VRK3: variants seen among roughly 807,000 people sequenced by gnomAD.
VRK3 encodes VRK serine/threonine kinase 3.
In VRK3, 50 loss-of-function variants were observed where a neutral mutation model predicts 60.4. The observed-to-expected ratio is 0.83, with a 90% CI of 0.66 to 1.05. VRK3 has a LOEUF of 1.05. VRK3 is among the 50% of genes least tolerant of loss of function. The pLI, the probability that VRK3 is intolerant of heterozygous loss-of-function variation, is 0.00. For missense variants in VRK3, 549 were observed against 585.3 expected (o/e 0.94, Z 0.64); for synonymous variants, 246 against 227.8 (o/e 1.08, Z -0.72).
intron 5 of VRK3, among the ~76,000 whole-genome samples, chr19:50,006,428 T>C (rs1381238091): frequency 1.3e-5 from 2 of 151,304 alleles, no homozygotes; most frequent in Non-Finnish European, 2.9e-5. Flanking sequence ...CAGGATGGAG[T>C]GCAGTGGTGC....
intron 12 of VRK3, among the ~76,000 whole-genome samples, chr19:49,984,458 A>C (rs951245444): frequency 5.3e-5 from 8 of 151,914 alleles, no homozygotes; most frequent in Non-Finnish European, 1.0e-4. Flanking sequence ...CTCTGCTCCC[A>C]CAGTGCCGGG....
intron 2 of VRK3, among the ~76,000 whole-genome samples, chr19:50,016,454 C>G (rs573485863): frequency 1.3e-5 from 2 of 152,186 alleles, no homozygotes; most frequent in Non-Finnish European, 2.9e-5. Flanking sequence ...ATGGCCGAGG[C>G]AGTTAGGAGT....
At chr19:50,024,660 T>C (rs1257147142) in intron 1 of VRK3, among the ~76,000 whole-genome samples, 3 of 152,174 alleles carry the variant, frequency 2.0e-5, no homozygotes, top group African/African-American at 4.8e-5. Flanking sequence ...GTTATAGTAG[T>C]GTAATATCGG....
chr19:50,015,397 C>A (rs2077059093), intron 3 of VRK3, among the ~76,000 whole-genome samples: 1 of 152,124 alleles, frequency 6.6e-6, no homozygotes. Flanking sequence ...CGACCTCCGC[C>A]TCCTGGGTTC....
chr19:49,979,059 T>C (rs1012562417), intron 14 of VRK3, 24 bp downstream of exon 14: 10 of 1,575,522 alleles, frequency 6.3e-6, no homozygotes, highest in Non-Finnish European at 8.6e-6. Context: ...GGTGAGAGGC[T>C]TAAGCCTCAC....
At chr19:50,016,953 GC>G (rs1211707998) in intron 2 of VRK3, among the ~76,000 whole-genome samples, 1 of 138,388 alleles carries the variant, frequency 7.2e-6, no homozygotes, top group Non-Finnish European at 1.5e-5. Flanking sequence ...GCTTTGGGAG[GC>G]CATCACAGGC....
chr19:50,006,715 A>G (rs911027458), intron 5 of VRK3, among the ~76,000 whole-genome samples: 1 of 152,258 alleles, frequency 6.6e-6, no homozygotes, highest in Non-Finnish European at 1.5e-5. Context: ...TCTCAATTAA[A>G]AAGTTCCAAA....
chr19:49,988,213 T>G, intron 12 of VRK3, 159 bp downstream of exon 12: 1 of 1,156,222 alleles, frequency 8.6e-7, no homozygotes, highest in Non-Finnish European at 1.2e-6. Flanking sequence ...TCGCCTGCTG[T>G]GTGGACACTG....
At chr19:49,991,098 G>C (rs532817607) in intron 10 of VRK3, among the ~76,000 whole-genome samples, 2 of 152,250 alleles carry the variant, frequency 1.3e-5, no homozygotes, top group Admixed American at 1.3e-4. Context: ...TGGCCATGAT[G>C]GTCATTTTTA....
intron 11 of VRK3, among the ~76,000 whole-genome samples, chr19:49,989,427 C>T (rs1201263519): frequency 6.6e-6 from 1 of 152,190 alleles, no homozygotes; most frequent in Non-Finnish European, 1.5e-5. Context: ...TCAGGCTCCC[C>T]AGTGCCCAGC....
At chr19:49,995,346 AGAG>A in intron 7 of VRK3, 71 bp from the exon 8 acceptor site, 1 of 1,439,420 alleles carries the variant, frequency 6.9e-7, no homozygotes, top group Non-Finnish European at 9.7e-7. Context: ...GCTAGTTCTC[AGAG>A]AAGAAGCACA....
chr19:49,993,246 A>G (rs1173966645), intron 9 of VRK3, among the ~76,000 whole-genome samples: 1 of 152,210 alleles, frequency 6.6e-6, no homozygotes, highest in Non-Finnish European at 1.5e-5. Context: ...AAAAGGGGTT[A>G]ATGTCTCTCT....
chr19:50,001,811 G>T (rs537293412), intron 5 of VRK3, among the ~76,000 whole-genome samples: 1 of 152,208 alleles, frequency 6.6e-6, no homozygotes, highest in East Asian at 1.9e-4. Context: ...TATGACTTTG[G>T]GCCTCCATTT....
At chr19:49,994,383 G>T (rs745953) in intron 9 of VRK3, among the ~76,000 whole-genome samples, 1 of 152,044 alleles carries the variant, frequency 6.6e-6, no homozygotes, top group Admixed American at 6.6e-5. Context: ...ATATTTAATG[G>T]GGATGAATGA....
chr19:50,002,192 A>T (rs1350910147), intron 5 of VRK3, among the ~76,000 whole-genome samples: 1 of 151,874 alleles, frequency 6.6e-6, no homozygotes, highest in East Asian at 1.9e-4. Context: ...CTCTCCCTTC[A>T]TCATCGAGGC....
intron 3 of VRK3, among the ~76,000 whole-genome samples, chr19:50,010,059 T>TACACAC (rs58061544): frequency 6.0e-5 from 9 of 151,102 alleles, no homozygotes; most frequent in South Asian, 4.2e-4. Context: ...TATATATATA[T>TACACAC]ACACACACAC....
At chr19:49,981,782 G>GCACA in intron 12 of VRK3, 1 of 1,044,318 alleles carries the variant, frequency 9.6e-7, no homozygotes, top group Non-Finnish European at 1.2e-6. Flanking sequence ...CCCGTCCCAA[G>GCACA]CACACACACA....
chr19:49,984,693 C>G (rs2076482787), intron 12 of VRK3, among the ~76,000 whole-genome samples: 1 of 152,244 alleles, frequency 6.6e-6, no homozygotes, highest in East Asian at 1.9e-4. Context: ...AGTGCAGTGA[C>G]AATCACAGCT....
chr19:49,979,619 C>T (rs1390977092), intron 13 of VRK3, among the ~76,000 whole-genome samples: 2 of 152,158 alleles, frequency 1.3e-5, no homozygotes, highest in African/African-American at 2.4e-5. Context: ...TTAAAGAGGG[C>T]GGGCCCTGCT....
Sources: allele counts gnomAD v4.1 joint callset (sites outside exome capture counted in the v4.1 genomes callset), GRCh38; gene constraint gnomAD v4.1.1; transcripts MANE v1.5; gene names NCBI Gene and HGNC (gene_info 2026-07-23, HGNC 2026-07-21).